AKAP17A: variants seen among roughly 807,000 people sequenced by gnomAD.
AKAP17A encodes the protein A-kinase anchoring protein 17A.
A neutral mutation model predicts 52.2 loss-of-function variants in AKAP17A; 15 were observed. The observed-to-expected ratio is 0.29, with a 90% CI of 0.19 to 0.44. The LOEUF (loss-of-function observed/expected upper bound fraction) is 0.44, where lower values mean the gene tolerates loss of function less well. AKAP17A is among the 20% of genes least tolerant of loss of function. The pLI is 1.00. For synonymous variants in AKAP17A, 514 were observed against 424.7 expected (o/e 1.21, Z -2.58); for missense variants, 1,060 against 1,007.0 (o/e 1.05, Z -0.71).
intron 2 of AKAP17A, 90 bp downstream of exon 2, chrX:1,594,314 C>T: frequency 7.1e-7 from 1 of 1,415,072 alleles, no homozygotes. Context: ...AGCCACACCC[C>T]TGAGGCTGTG....
rs1207380854 is a variant in AKAP17A at position 1,600,921 on chromosome X, A to G, written c.1415A>G (p.Gln472Arg). The change falls in exon 5 of 5, where the codon CAG becomes CGG. Residue 472 changes from glutamine to arginine, a missense_variant. By Grantham distance (43) the Gln-to-Arg change is conservative (BLOSUM62 1). Around this residue, in one of 2 missense-constraint regions of AKAP17A, gnomAD observed 793 missense variants for 629.9 expected, o/e 1.26. Transcript: ENST00000313871. ...CTGCAGCCCGTCCTGGACATCCTGCAGACCGTGTCGTCCGGCTGTGTGAGC... is the reference window on the plus strand; with the variant it reads ...CTGCAGCCCGTCCTGGACATCCTGCGGACCGTGTCGTCCGGCTGTGTGAGC... ...DLLQPVLDIL[Q>R]TVSSGCVSAT... is the part of the protein sequence containing the mutation. 1 of 1,576,054 alleles carries G rather than the reference A, an allele frequency of 6.3e-7. No individual in the cohort carries two copies. The highest frequency in any genetic ancestry group is 1.1e-5 in the South Asian group (1 of 87,610).
Position 1,600,994 on chromosome X carries a change from C to T in AKAP17A, c.1488C>T (p.Pro496=), listed in dbSNP as rs767631379. 4.4e-6 allele frequency: 7 copies of T among 1,603,258 alleles called. No individual in the cohort carries two copies. In the African/African-American group the frequency reaches 5.3e-5, roughly 12 times the overall value. ...GGGGCCAGCCCCCGGCCGGTGCCCCCAAGGAGAGCCCGGCCCACCCAGAGG... is the reference window on the plus strand; with the variant it reads ...GGGGCCAGCCCCCGGCCGGTGCCCCTAAGGAGAGCCCGGCCCACCCAGAGG... ...PLGGQPPAGA[P]KESPAHPEAD... The change falls in exon 5 of 5, where the codon CCC becomes CCT. Residue 496 remains proline (P), a synonymous_variant. Transcript: ENST00000313871.
intron 2 of AKAP17A, 136 bp downstream of exon 2, chrX:1,594,360 T>C: frequency 5.7e-6 from 6 of 1,049,866 alleles, no homozygotes; most frequent in Non-Finnish European, 7.8e-6. Context: ...GCAACAGTCC[T>C]GTGCCTGTCC....
rs140646112 is a variant in AKAP17A, at chrX:1,599,225, G to C, written c.945G>C (p.Glu315Asp). The C allele has an allele frequency of 8.6e-5, 138 of 1,612,524 alleles. No individual in the cohort carries two copies. In the African/African-American group the frequency reaches 1.5e-3, roughly 17 times the overall value. ...KQKELEELER[E>D]RKREEKLRKR... ...AGGAGCTGGAAGAGCTGGAGCGAGA[G>C]AGGAAAAGAGAAGAGAAGCTTCGCA... The change falls in exon 4 of 5, where the codon GAG becomes GAC. Residue 315 changes from glutamate (E) to aspartate (D), a missense_variant. Physicochemically the swap from Glu to Asp is conservative, Grantham distance 45. This residue lies in a region of AKAP17A where 793 missense variants were observed against 629.9 expected (regional missense o/e 1.26). Coordinates refer to ENST00000313871, the MANE Select transcript of AKAP17A (RefSeq NM_005088.3).
chrX:1,600,687 A>C lies in AKAP17A; in HGVS notation c.1181A>C (p.Lys394Thr). The change falls in exon 5 of 5, where the codon AAG becomes ACG. Residue 394 changes from lysine to threonine, a missense_variant. Lys to Thr is a moderately conservative substitution (Grantham distance 78). Around this residue, in one of 2 missense-constraint regions of AKAP17A, gnomAD observed 793 missense variants for 629.9 expected, o/e 1.26. Coordinates refer to ENST00000313871, the MANE Select transcript of AKAP17A (RefSeq NM_005088.3). ...KAVKLREQEQKEEKLRLQQQE... is the reference protein window; with the variant it reads ...KAVKLREQEQTEEKLRLQQQE... ...GTGAAGCTACGGGAACAGGAGCAGAAGGAGGAGAAGCTGAGGCTCCAGCAG... is the reference window on the plus strand; with the variant it reads ...GTGAAGCTACGGGAACAGGAGCAGACGGAGGAGAAGCTGAGGCTCCAGCAG... 1 of 1,544,786 alleles carries C rather than the reference A, an allele frequency of 6.5e-7. No individual in the cohort carries two copies. Among genetic ancestry groups the C allele is most frequent in the Non-Finnish European group, 8.7e-7 (1 of 1,145,572 alleles).
At chrX:1,595,602 G>T in intron 3 of AKAP17A, 70 bp downstream of exon 3, 1 of 1,595,124 alleles carries the variant, frequency 6.3e-7, no homozygotes, top group Non-Finnish European at 8.6e-7. Context: ...ACCCGTGTGC[G>T]TGTGTCTGCA....
Position 1,601,783 on chromosome X carries a change from C to T in AKAP17A, c.*189C>T, listed in dbSNP as rs187229259. ...TAGAGATCCATCTTTCTCCACTCAC[C>T]GCAGCGTACTTGGCACTTCAGTTTC... is the stretch of plus-strand genomic sequence containing the variant. On this transcript the variant is annotated 3_prime_UTR_variant, in exon 5 of 5. Coordinates refer to ENST00000313871, the MANE Select transcript of AKAP17A (RefSeq NM_005088.3). 250 of 482,634 alleles carry T rather than the reference C, an allele frequency of 5.2e-4. 2 individuals carry two copies. In the East Asian group the frequency reaches 5.7e-3, roughly 11 times the overall value. The allele number at this position is 482,634 out of a possible 1,614,324, so 29.9% of individuals were successfully genotyped here. A position where few individuals can be genotyped will look rare whatever the true frequency, so the allele number is the denominator to read the frequency against.
Position 1,595,412 on chromosome X carries a change from G to C in AKAP17A, c.791G>C (p.Ser264Thr). Residue 264 changes from serine to threonine, a missense_variant, in exon 3 of 5, where the codon AGT becomes ACT. This residue lies in a region of AKAP17A where 793 missense variants were observed against 629.9 expected (regional missense o/e 1.26). Transcript: ENST00000313871. The part of the protein sequence containing the change: ...KVSFDSTKHL[S>T]DASIKKRQLE... ...TCTTTTGATTCGACCAAACACCTGA[G>C]TGATGCCTCAATTAAGAAGCGGCAG... 1 of 1,614,050 alleles carries C rather than the reference G, an allele frequency of 6.2e-7. No individual in the cohort carries two copies. The highest frequency in any genetic ancestry group is 8.5e-7 in the Non-Finnish European group (1 of 1,179,888).
At chrX:1,600,585 C>G in intron 4 of AKAP17A, 74 bp from the exon 5 acceptor site, 1 of 1,398,240 alleles carries the variant, frequency 7.2e-7, no homozygotes, top group Non-Finnish European at 9.5e-7. Flanking sequence ...CTCCAAACAC[C>G]TTCCCAGCTC....
At chrX:1,599,080 G>A in intron 3 of AKAP17A, 112 bp from the exon 4 acceptor site, 2 of 1,490,292 alleles carry the variant, frequency 1.3e-6, no homozygotes, top group Middle Eastern at 2.5e-4. Context: ...AGAGTTAAAT[G>A]CTTAATCGTT....
chrX:1,598,217 CT>C (rs1933122820), intron 3 of AKAP17A, among the ~76,000 whole-genome samples: 1 of 151,204 alleles, frequency 6.6e-6, no homozygotes, highest in East Asian at 1.9e-4. Flanking sequence ...GCGGTTAAAC[CT>C]TCAGCACATG....
intron 3 of AKAP17A, among the ~76,000 whole-genome samples, chrX:1,597,802 C>G (rs1358437421): frequency 1.3e-5 from 2 of 152,136 alleles, no homozygotes; most frequent in Middle Eastern, 3.4e-3. Flanking sequence ...GTCTGCCTGG[C>G]CAGACCACAG....
At chrX:1,594,272 C>T (rs1321547304) in intron 2 of AKAP17A, 48 bp downstream of exon 2, 4 of 1,499,812 alleles carry the variant, frequency 2.7e-6, no homozygotes, top group Non-Finnish European at 2.7e-6. Context: ...CCTCTGGCGA[C>T]TTCCTTCCAG....
In AKAP17A at chrX:1,601,598, C is replaced by T. The variant is rs772185720; in HGVS notation, c.*4C>T. Reference sequence around the variant, plus strand: ...CCGCAGTACCTGGAACAGGTAATGACGGGCACGGCCTCCCCACGGCCTGTC... The same window carrying T: ...CCGCAGTACCTGGAACAGGTAATGATGGGCACGGCCTCCCCACGGCCTGTC... On this transcript the variant is annotated 3_prime_UTR_variant, in exon 5 of 5. Coordinates refer to ENST00000313871, the MANE Select transcript of AKAP17A (RefSeq NM_005088.3). The T allele has an allele frequency of 8.6e-5, 122 of 1,420,198 alleles. No homozygotes were observed. The highest frequency in any genetic ancestry group is 7.1e-4 in the East Asian group (27 of 37,874). 88.0% of individuals were successfully genotyped at this position (1,420,198 alleles called of 1,614,324 possible). A position where few individuals can be genotyped will look rare whatever the true frequency, so the allele number is the denominator to read the frequency against.
chrX:1,597,876 C>T (rs1933093234), intron 3 of AKAP17A, among the ~76,000 whole-genome samples: 1 of 152,038 alleles, frequency 6.6e-6, no homozygotes, highest in Non-Finnish European at 1.5e-5. Context: ...TGTCCAGAGC[C>T]CCGGGGAGGG....
In AKAP17A at chrX:1,597,465, C is replaced by T. The variant is rs778362379; in HGVS notation, c.912-1727C>T. Among the ~76,000 whole-genome samples, 14 of 152,218 alleles carry T rather than the reference C, an allele frequency of 9.2e-5. No homozygotes were observed. In the South Asian group the frequency reaches 1.2e-3, roughly 14 times the overall value. On this transcript the variant is annotated intron_variant, in intron 3 of 4. Transcript: ENST00000313871. ...CCTGGGAGGCGGTCCCTGGGAGGGG[C>T]GGTTCGGATGTGGGGTTGAGTCCGG...
Sources: allele counts gnomAD v4.1 joint callset (sites outside exome capture counted in the v4.1 genomes callset), GRCh38; gene constraint gnomAD v4.1.1; regional missense constraint gnomAD v4.1.1; transcripts MANE v1.5; gene names NCBI Gene and HGNC (gene_info 2026-07-23, HGNC 2026-07-21).